Variants in CA4 observed in about 807,000 individuals in gnomAD.
CA4 encodes CA-IV.
In CA4, 24 loss-of-function variants were observed where a neutral mutation model predicts 34.5. That is an observed-to-expected ratio of 0.70 (90% CI 0.50 to 0.98). The LOEUF (loss-of-function observed/expected upper bound fraction) is 0.98. Among genes scored for constraint, CA4 ranks in the 50% least tolerant of loss-of-function variants. The probability of loss-of-function intolerance (pLI) is 0.00; values close to 1 mark genes in which losing one functional copy is unlikely to be tolerated. For synonymous variants in CA4, 178 were observed against 170.6 expected (o/e 1.04, Z -0.34); for missense variants, 394 against 396.7 (o/e 0.99, Z 0.06).
intron 1 of CA4, among the ~76,000 whole-genome samples, chr17:60,151,225 C>A (rs938574089): frequency 3.3e-5 from 5 of 152,078 alleles, no homozygotes; most frequent in Admixed American, 3.3e-4. Flanking sequence ...GGGGTCCACG[C>A]AGGCTGAAAC....
At chr17:60,167,758 G>C (rs1256084229) in intron 5 of CA4, among the ~76,000 whole-genome samples, 1 of 151,794 alleles carries the variant, frequency 6.6e-6, no homozygotes, top group Non-Finnish European at 1.5e-5. Flanking sequence ...TTGATTCTCA[G>C]ATTCTGCTAT....
intron 2 of CA4, 89 bp downstream of exon 2, chr17:60,155,456 AG>A: frequency 1.0e-6 from 1 of 998,074 alleles, no homozygotes; most frequent in Non-Finnish European, 1.5e-6. Context: ...TGGGAAGGGG[AG>A]GGGTGATGGT....
At chr17:60,157,208 G>C (rs952750229) in intron 3 of CA4, among the ~76,000 whole-genome samples, 2 of 152,262 alleles carry the variant, frequency 1.3e-5, no homozygotes, top group Non-Finnish European at 2.9e-5. Flanking sequence ...GGAGGGTGCA[G>C]GAGAGGGGGA....
downstream of CA4, among the ~76,000 whole-genome samples, chr17:60,173,165 CAAA>C (rs985616950): frequency 1.3e-5 from 2 of 150,244 alleles, no homozygotes; most frequent in Non-Finnish European, 2.9e-5. Flanking sequence ...AACAAACAAA[CAAA>C]AAAACTAAAA....
At chr17:60,172,946 C>T (rs1210550779), downstream of CA4, among the ~76,000 whole-genome samples, 2 of 152,042 alleles carry the variant, frequency 1.3e-5, no homozygotes, top group Admixed American at 6.6e-5. Flanking sequence ...GAGTTCAAGA[C>T]GAGCCTGACC....
chr17:60,156,629 C>A lies in CA4; in HGVS notation c.182C>A (p.Ala61Glu). ...CCCATCAACATCGTCACCACCAAGG[C>A]AAAGGTGGACAAAAAACTGGGACGC... Reference protein sequence around the residue: ...QSPINIVTTKAKVDKKLGRFF... With the variant: ...QSPINIVTTKEKVDKKLGRFF... Residue 61 changes from alanine (A) to glutamate (E), a missense_variant, in exon 3 of 8, where the codon GCA becomes GAA. Transcript: ENST00000300900. The A allele has an allele frequency of 6.2e-7, 1 of 1,613,958 alleles. No homozygotes were observed.
At chr17:60,175,318 C>T (rs1351267385), downstream of CA4, among the ~76,000 whole-genome samples, 1 of 151,470 alleles carries the variant, frequency 6.6e-6, no homozygotes, top group Non-Finnish European at 1.5e-5. Flanking sequence ...CTTGTAATCC[C>T]TGCACTTTGG....
chr17:60,161,252 C>T (rs1291866670), downstream of CA4, among the ~76,000 whole-genome samples: 1 of 151,920 alleles, frequency 6.6e-6, no homozygotes, highest in Non-Finnish European at 1.5e-5. Flanking sequence ...GTCCAGGACA[C>T]CAGAATGAGA....
chr17:60,157,857 T>G (rs992128734), intron 5 of CA4, 69 bp downstream of exon 5: 1 of 1,534,886 alleles, frequency 6.5e-7, no homozygotes, highest in African/African-American at 1.4e-5. Context: ...TTCAGAGACC[T>G]GGGACTCCAG....
chr17:60,171,261 G>C (rs140703152), downstream of CA4, among the ~76,000 whole-genome samples: 1 of 152,374 alleles, frequency 6.6e-6, no homozygotes, highest in African/African-American at 2.4e-5. Flanking sequence ...CCCCAAGTGA[G>C]AGGATGTTTA....
chr17:60,155,980 G>T (rs1265615574), intron 2 of CA4, among the ~76,000 whole-genome samples: 1 of 152,146 alleles, frequency 6.6e-6, no homozygotes, highest in African/African-American at 2.4e-5. Flanking sequence ...TGGTGACTGA[G>T]CAGTGCTGCC....
At chr17:60,159,162 C>T (rs973565442) in intron 7 of CA4, 68 bp from the exon 8 acceptor site, 1 of 1,413,604 alleles carries the variant, frequency 7.1e-7, no homozygotes, top group African/African-American at 1.4e-5. Flanking sequence ...GAGGTGCCTG[C>T]CTGAGGTCAC....
Position 60,164,890 on chromosome 17 carries a change from C to T in CA4, c.*179-5661C>T, listed in dbSNP as rs550516039. ...CCGGGCATGCAGCCCAGACTCACACCGGCCTGGGGTGGAATCCCCCTCCAT... is the reference window on the plus strand; with the variant it reads ...CCGGGCATGCAGCCCAGACTCACACTGGCCTGGGGTGGAATCCCCCTCCAT... On this transcript the variant is annotated intron_variant and NMD_transcript_variant, in intron 5 of 5. Transcript: ENST00000586876. Among the ~76,000 whole-genome samples, 9 of 152,206 alleles carry T rather than the reference C, an allele frequency of 5.9e-5. No homozygotes were observed. The South Asian group carries it at 1.2e-3, about 21-fold the overall frequency.
At position 60,158,063 on chromosome 17, in the gene CA4, T is replaced by G. The variant is rs1467980939; in HGVS notation, c.516T>G (p.Ala172=). The change falls in exon 6 of 8, where the codon GCT becomes GCG. Residue 172 remains alanine, a splice_region_variant and synonymous_variant. Coordinates refer to ENST00000300900, the MANE Select transcript of CA4 (RefSeq NM_000717.5). ...AAGACCCTTCCCTCCCTTTCCAGGC[T>G]GGAACCCAGGTGAACGAGGGCTTCC... ...EIAVLAFLVE[A]GTQVNEGFQP... 4.3e-6 allele frequency: 7 copies of G among 1,613,962 alleles called. No individual in the cohort carries two copies. In the Admixed American group the frequency reaches 1.2e-4, roughly 27 times the overall value.
chr17:60,157,981 G>A (rs779156424), intron 5 of CA4, 80 bp from the exon 6 acceptor site: 24 of 1,579,020 alleles, frequency 1.5e-5, no homozygotes, highest in Middle Eastern at 3.3e-4. Flanking sequence ...CTGGCCTTCC[G>A]CCCCCAGATC....
intron 5 of CA4, among the ~76,000 whole-genome samples, chr17:60,166,061 C>A (rs1425107819): frequency 6.6e-6 from 1 of 152,192 alleles, no homozygotes; most frequent in African/African-American, 2.4e-5. Context: ...CCTTCCTCCT[C>A]CCGGTCACCT....
chr17:60,163,506 G>C (rs1217849087), downstream of CA4, among the ~76,000 whole-genome samples: 1 of 152,188 alleles, frequency 6.6e-6, no homozygotes. Flanking sequence ...GGAAGGCCAG[G>C]CCTCTCTGAG....
rs747152606 is a variant in CA4, at chr17:60,157,695, C to G, written c.420C>G (p.His140Gln). ...CACCCCTCCACCCCGACCAGATGCA[C>G]ATAGTACATGAGAAAGAGAAGGGGA... ...LDGEHFAMEMHIVHEKEKGTS... is the reference protein window; with the variant it reads ...LDGEHFAMEMQIVHEKEKGTS... Residue 140 changes from histidine to glutamine, a missense_variant, in exon 5 of 8, where the codon CAC becomes CAG. Coordinates refer to ENST00000300900, the MANE Select transcript of CA4 (RefSeq NM_000717.5). 1 of 1,613,682 alleles carries G rather than the reference C, an allele frequency of 6.2e-7. No individual in the cohort carries two copies. Among genetic ancestry groups the G allele is most frequent in the East Asian group, 2.2e-5 (1 of 44,890 alleles).
At chr17:60,166,502 C>T (rs2083857117) in intron 5 of CA4, among the ~76,000 whole-genome samples, 2 of 152,198 alleles carry the variant, frequency 1.3e-5, no homozygotes, top group Admixed American at 1.3e-4. Flanking sequence ...TAGATATTGA[C>T]ACATTCCTCA....
Sources: gnomAD v4.1 joint callset for allele counts (sites outside exome capture counted in the v4.1 genomes callset) on GRCh38, gnomAD v4.1.1 for gene constraint, MANE v1.5 for transcripts, NCBI Gene and HGNC (gene_info 2026-07-23, HGNC 2026-07-21) for gene names.